STX11: variants seen among roughly 807,000 people sequenced by gnomAD.
The protein encoded by STX11 is syntaxin 11, also known as syntaxin-11.
In STX11, 21 loss-of-function variants were observed where a neutral mutation model predicts 19.9. The observed-to-expected ratio is 1.06, with a 90% CI of 0.75 to 1.52. The LOEUF (loss-of-function observed/expected upper bound fraction) is 1.52. Ranked by LOEUF, STX11 falls within the 40% of genes most tolerant of loss-of-function variation. The pLI is 0.00. For synonymous variants in STX11, 193 were observed against 174.4 expected (o/e 1.11, Z -0.84); for missense variants, 438 against 405.9 (o/e 1.08, Z -0.68).
intron 1 of STX11, among the ~76,000 whole-genome samples, chr6:144,186,038 TTTC>T (rs1337672629): frequency 2.7e-5 from 4 of 148,244 alleles, no homozygotes; most frequent in South Asian, 2.1e-4. Context: ...TTTGCAAGTC[TTTC>T]TTCTTCTTTT....
rs529859119 is a variant in STX11, at chr6:144,153,171, A to G, written c.-6+2468A>G. On this transcript the variant is annotated intron_variant, in intron 1 of 1. Coordinates refer to ENST00000367568, the MANE Select transcript of STX11 (RefSeq NM_003764.4). This position sits in a 1 kb window ranked among gnomAD's most constrained non-coding sequence, Gnocchi z 5.0. ...AGATATCCAACTGGTAAAGGCAACA[A>G]TGCTAAATTTCAGACAACTTTACCT... is the stretch of plus-strand genomic sequence containing the variant. Among the ~76,000 whole-genome samples the G allele has an allele frequency of 2.7e-3, 409 of 152,310 alleles. 1 individual carries two copies. Among genetic ancestry groups the G allele is most frequent in the African/African-American group, 9.4e-3 (389 of 41,556 alleles).
In STX11 at chr6:144,154,620, C is replaced by A. The variant is rs60770827; in HGVS notation, c.-6+3917C>A. Among the ~76,000 whole-genome samples, 1,034 of 152,300 alleles carry A rather than the reference C, an allele frequency of 6.8e-3. 15 individuals are homozygous for A. Among genetic ancestry groups the A allele is most frequent in the African/African-American group, 0.023 (970 of 41,542 alleles). On this transcript the variant is annotated intron_variant, in intron 1 of 1. Transcript: ENST00000367568. The surrounding 1 kb of genome is among the most constrained non-coding windows in gnomAD (Gnocchi z 4.7). ...GGCTAGCAAGGGAGGCATTAATCTACAGAGCAGGGTCAAATGGTGGAAGAA... is the reference window on the plus strand; with the variant it reads ...GGCTAGCAAGGGAGGCATTAATCTAAAGAGCAGGGTCAAATGGTGGAAGAA...
At chr6:144,173,584 G>A (rs1443928061) in intron 1 of STX11, among the ~76,000 whole-genome samples, 1 of 152,068 alleles carries the variant, frequency 6.6e-6, no homozygotes, top group African/African-American at 2.4e-5. Context: ...TTTTTAGTTT[G>A]TCTCTATCGT....
rs943012931 is a variant in STX11, at chr6:144,186,837, C to T, written c.210C>T (p.Ala70=). ...ADVKRLGKQN[A]RFLTSMRRLS... ...TGAAGCGGCTGGGAAAGCAGAACGC[C>T]CGCTTCCTCACGTCCATGCGGCGCC... Residue 70 remains alanine, a synonymous_variant, in exon 2 of 2, where the codon GCC becomes GCT. Transcript: ENST00000367568. The T allele has an allele frequency of 1.2e-6, 2 of 1,613,282 alleles. No homozygotes were observed. The highest frequency in any genetic ancestry group is 2.7e-5 in the African/African-American group (2 of 74,924).
chr6:144,160,376 T>G lies in STX11; in HGVS notation c.-6+9673T>G, dbSNP rs1801304428. On this transcript the variant is annotated intron_variant, in intron 1 of 1. Coordinates refer to ENST00000367568, the MANE Select transcript of STX11 (RefSeq NM_003764.4). The surrounding 1 kb of genome is among the most constrained non-coding windows in gnomAD (Gnocchi z 4.3). ...GTAAGCTTAGGGTAAGGTTTGAGAC[T>G]TCCTGATTTTTAACTTTTGAAGCTT... 6.6e-6 allele frequency among the ~76,000 whole-genome samples: 1 copy of G among 152,210 alleles called. No homozygotes were observed. Among genetic ancestry groups the G allele is most frequent in the South Asian group, 2.1e-4 (1 of 4,836 alleles).
chr6:144,141,809 G>A, the STX11 span, among the ~76,000 whole-genome samples: 2 of 151,920 alleles, frequency 1.3e-5, no homozygotes, highest in African/African-American at 4.8e-5. Flanking sequence ...CTCCCGAGTA[G>A]CTGGGACTAC....
upstream of STX11, among the ~76,000 whole-genome samples, chr6:144,146,141 G>C (rs143340586): frequency 2.7e-3 from 408 of 152,328 alleles, 1 homozygote; most frequent in African/African-American, 8.9e-3. The surrounding 1 kb of genome is among the most constrained non-coding windows in gnomAD (Gnocchi z 4.4). Context: ...GGCTGTGCTA[G>C]AGGACCTTCC....
chr6:144,145,551 A>G (rs1800857544), upstream of STX11, among the ~76,000 whole-genome samples: 1 of 152,224 alleles, frequency 6.6e-6, no homozygotes, highest in Non-Finnish European at 1.5e-5. Flanking sequence ...ATATATACAC[A>G]ACGAGGTACT....
In STX11 at chr6:144,152,530, T is replaced by C. The variant is rs1801031564; in HGVS notation, c.-6+1827T>C. 6.6e-6 allele frequency among the ~76,000 whole-genome samples: 1 copy of C among 152,262 alleles called. No homozygotes were observed. The highest frequency in any genetic ancestry group is 6.5e-5 in the Admixed American group (1 of 15,290). ...CATGTTTCATGTTATTTAATAACCA[T>C]GTAAAACGAAATTCAGCTGATTATC... On this transcript the variant is annotated intron_variant, in intron 1 of 1. Coordinates refer to ENST00000367568, the MANE Select transcript of STX11 (RefSeq NM_003764.4). This position sits in a 1 kb window ranked among gnomAD's most constrained non-coding sequence, Gnocchi z 4.9.
At chr6:144,171,188 C>G (rs6922834) in intron 1 of STX11, among the ~76,000 whole-genome samples, 3 of 152,076 alleles carry the variant, frequency 2.0e-5, no homozygotes, top group Middle Eastern at 3.4e-3. Flanking sequence ...ACTTAGCCCC[C>G]CTCCTATACG....
At chr6:144,161,802 CG>C (rs1562658398) in intron 1 of STX11, among the ~76,000 whole-genome samples, 1 of 152,170 alleles carries the variant, frequency 6.6e-6, no homozygotes, top group Non-Finnish European at 1.5e-5. Context: ...TATTTTCATT[CG>C]TAGGATGTTT....
rs771201035 is a variant in STX11, at chr6:144,176,594, A to G, written c.-5-10029A>G. 2.6e-5 allele frequency among the ~76,000 whole-genome samples: 4 copies of G among 152,166 alleles called. No individual in the cohort carries two copies. The highest frequency in any genetic ancestry group is 5.9e-5 in the Non-Finnish European group (4 of 68,042). ...TGCTTCTCGAATGTCTTTGCTTGCC[A>G]CAGTCTCTAAAGGGAGTGAGAAGAC... On this transcript the variant is annotated intron_variant, in intron 1 of 1. Transcript: ENST00000367568. This position sits in a 1 kb window ranked among gnomAD's most constrained non-coding sequence, Gnocchi z 4.1.
chr6:144,156,764 ACCT>A (rs1194232357), intron 1 of STX11, among the ~76,000 whole-genome samples: 1 of 152,022 alleles, frequency 6.6e-6, no homozygotes, highest in Non-Finnish European at 1.5e-5. Context: ...AACATTTCCC[ACCT>A]CCTCCTCCCC....
the STX11 span, among the ~76,000 whole-genome samples, chr6:144,141,568 A>G: frequency 6.6e-6 from 1 of 152,146 alleles, no homozygotes; most frequent in Non-Finnish European, 1.5e-5. Flanking sequence ...TATTTTTTCT[A>G]AGCTTACCTT....
At position 144,162,677 on chromosome 6, in the gene STX11, G is replaced by A. The variant is rs1418587214; in HGVS notation, c.-6+11974G>A. 1.3e-5 allele frequency among the ~76,000 whole-genome samples: 2 copies of A among 152,178 alleles called. No homozygotes were observed. The highest frequency in any genetic ancestry group is 1.9e-4 in the East Asian group (1 of 5,198). On this transcript the variant is annotated intron_variant, in intron 1 of 1. Transcript: ENST00000367568. The surrounding 1 kb of genome is among the most constrained non-coding windows in gnomAD (Gnocchi z 4.6). Reference sequence around the variant, plus strand: ...ATGGACAAATTTGAATTTGGATAGGGGATGGGAAAGGTTGAGGGACATCTC... The same window carrying A: ...ATGGACAAATTTGAATTTGGATAGGAGATGGGAAAGGTTGAGGGACATCTC...
chr6:144,179,042 G>A (rs914558845), intron 1 of STX11, among the ~76,000 whole-genome samples: 5 of 152,156 alleles, frequency 3.3e-5, no homozygotes, highest in Admixed American at 6.5e-5. Flanking sequence ...ACAGTTCCAC[G>A]TGGCTGGGGA....
chr6:144,191,730 C>T lies in STX11; in HGVS notation c.*4239C>T. On this transcript the variant is annotated 3_prime_UTR_variant, in exon 2 of 2. Coordinates refer to ENST00000367568, the MANE Select transcript of STX11 (RefSeq NM_003764.4). ...TTGTAATCAGAGCAACAGTTGACTTCCTTTTGATAGCGGAGTTGAAAATCA... is the reference window on the plus strand; with the variant it reads ...TTGTAATCAGAGCAACAGTTGACTTTCTTTTGATAGCGGAGTTGAAAATCA... Among the ~76,000 whole-genome samples, 1 of 152,184 alleles carries T rather than the reference C, an allele frequency of 6.6e-6. No homozygotes were observed. The highest frequency in any genetic ancestry group is 2.1e-4 in the South Asian group (1 of 4,824).
In STX11 at chr6:144,157,546, G is replaced by A. The variant is rs190858949; in HGVS notation, c.-6+6843G>A. Among the ~76,000 whole-genome samples the A allele has an allele frequency of 4.0e-3, 616 of 152,302 alleles. 2 individuals carry two copies. Among genetic ancestry groups the A allele is most frequent in the Non-Finnish European group, 6.8e-3 (463 of 68,026 alleles). ...GCCCAGACCATCACCTTGCAGAGTG[G>A]AGCCCAGAAAGTTGTCATTTTTTTC... is the stretch of plus-strand genomic sequence containing the variant. On this transcript the variant is annotated intron_variant, in intron 1 of 1. Transcript: ENST00000367568.
chr6:144,162,583 T>TA lies in STX11; in HGVS notation c.-6+11881dup, dbSNP rs1271267511. Among the ~76,000 whole-genome samples, 1 of 152,218 alleles carries TA rather than the reference T, an allele frequency of 6.6e-6. No individual in the cohort carries two copies. Among genetic ancestry groups the TA allele is most frequent in the African/African-American group, 2.4e-5 (1 of 41,460 alleles). Reference sequence around the variant, plus strand: ...TAAGCTATTAGCACTTACAAGCAGATACATTCATCAGAACAGTTGTTTACT... The same window carrying TA: ...TAAGCTATTAGCACTTACAAGCAGATAACATTCATCAGAACAGTTGTTTACT... On this transcript the variant is annotated intron_variant, in intron 1 of 1. Coordinates refer to ENST00000367568, the MANE Select transcript of STX11 (RefSeq NM_003764.4). The surrounding 1 kb of genome is among the most constrained non-coding windows in gnomAD (Gnocchi z 4.6).
Sources: gnomAD v4.1 joint callset for allele counts (sites outside exome capture counted in the v4.1 genomes callset) on GRCh38, gnomAD v4.1.1 for gene constraint, Gnocchi (gnomAD v3.1) non-coding constraint, MANE v1.5 for transcripts, NCBI Gene and HGNC (gene_info 2026-07-23, HGNC 2026-07-21) for gene names.